SGCD: variants seen among roughly 807,000 people sequenced by gnomAD.
SGCD encodes the protein sarcoglycan delta, also known as delta-sarcoglycan.
In SGCD, 18 loss-of-function variants were observed where a neutral mutation model predicts 36.6. The observed-to-expected ratio is 0.49, with a 90% confidence interval of 0.34 to 0.73. The LOEUF is 0.73. Among genes scored for constraint, SGCD ranks in the 30% least tolerant of loss-of-function variants. The pLI is 0.01. For synonymous variants in SGCD, 133 were observed against 130.6 expected (o/e 1.02, Z -0.12); for missense variants, 387 against 346.7 (o/e 1.12, Z -0.92).
intron 3 of SGCD, among the ~76,000 whole-genome samples, chr5:156,290,714 A>G (rs1404702626): frequency 6.6e-6 from 1 of 152,208 alleles, no homozygotes; most frequent in Admixed American, 6.6e-5. Context: ...CTGGTTTGAT[A>G]GGTATACCTC....
At chr5:155,975,745 T>C (rs1453048258) in intron 1 of SGCD, among the ~76,000 whole-genome samples, 1 of 147,804 alleles carries the variant, frequency 6.8e-6, no homozygotes, top group Non-Finnish European at 1.5e-5. Context: ...TTCTACTGCT[T>C]CAACCTCCTG....
At chr5:156,589,623 G>A (rs547422489) in intron 5 of SGCD, among the ~76,000 whole-genome samples, 20 of 152,334 alleles carry the variant, frequency 1.3e-4, no homozygotes, top group Non-Finnish European at 2.8e-4. Context: ...CTCAGCCAAA[G>A]AAAAGCTTCT....
At chr5:156,596,658 A>G (rs1381111206) in intron 6 of SGCD, among the ~76,000 whole-genome samples, 1 of 151,828 alleles carries the variant, frequency 6.6e-6, no homozygotes, top group Admixed American at 6.6e-5. Flanking sequence ...TGTCTGGTCT[A>G]TTTCTCTCTT....
At chr5:156,622,331 C>A (rs1203049796) in intron 6 of SGCD, among the ~76,000 whole-genome samples, 2 of 151,416 alleles carry the variant, frequency 1.3e-5, no homozygotes, top group Non-Finnish European at 2.9e-5. Context: ...TACTTGAGAG[C>A]CTGAGGCAGG....
rs2113176121 is a variant in SGCD at position 156,757,449 on chromosome 5, G to T, written c.576-132G>T. 4.9e-6 allele frequency: 3 copies of T among 615,648 alleles called. No individual in the cohort carries two copies. The East Asian group carries it at 8.5e-5, about 17-fold the overall frequency. The allele number at this position is 615,648 out of a possible 1,614,324, so 38.1% of individuals were successfully genotyped here. On this transcript the variant is annotated intron_variant, in intron 7 of 8. Coordinates refer to ENST00000337851, the MANE Select transcript of SGCD (RefSeq NM_000337.6). ...TCCCTGTCATAAACTTGACCAGGTT[G>T]TAAAGCAAAACTTTAAAAAATTCTC... is the stretch of plus-strand genomic sequence containing the variant.
intron 4 of SGCD, among the ~76,000 whole-genome samples, chr5:156,528,893 T>C (rs1432678943): frequency 6.6e-6 from 1 of 152,202 alleles, no homozygotes; most frequent in Non-Finnish European, 1.5e-5. Context: ...TTCAACATCA[T>C]CTAATACTTT....
the SGCD span, among the ~76,000 whole-genome samples, chr5:155,756,552 T>C: frequency 6.6e-6 from 1 of 152,188 alleles, no homozygotes; most frequent in Non-Finnish European, 1.5e-5. Context: ...CCTAGAGTTG[T>C]TGTAGGGATT....
chr5:155,790,626 G>A, the SGCD span, among the ~76,000 whole-genome samples: 1 of 151,998 alleles, frequency 6.6e-6, no homozygotes, highest in Non-Finnish European at 1.5e-5. Context: ...GAGCAATGTG[G>A]AACTTGACTG....
chr5:156,674,316 C>T (rs1307880967), intron 7 of SGCD, among the ~76,000 whole-genome samples: 2 of 152,182 alleles, frequency 1.3e-5, no homozygotes, highest in Non-Finnish European at 2.9e-5. Flanking sequence ...AATCCCATAG[C>T]GTGAGCCATG....
At chr5:155,908,661 T>A (rs1756572415) in intron 1 of SGCD, among the ~76,000 whole-genome samples, 2 of 152,156 alleles carry the variant, frequency 1.3e-5, no homozygotes, top group Admixed American at 6.6e-5. Flanking sequence ...ATTTCTGCAC[T>A]GGCTTTTGCA....
At chr5:156,033,400 C>T (rs753772563) in intron 1 of SGCD, among the ~76,000 whole-genome samples, 4 of 152,112 alleles carry the variant, frequency 2.6e-5, no homozygotes, top group Non-Finnish European at 5.9e-5. Context: ...ACCCTCTCTC[C>T]TTTTGGCGTC....
chr5:155,967,729 T>C (rs774187142), intron 1 of SGCD, among the ~76,000 whole-genome samples: 8 of 152,128 alleles, frequency 5.3e-5, no homozygotes, highest in Non-Finnish European at 1.0e-4. Context: ...TAATGACTTC[T>C]GAGGCAGCCA....
At chr5:156,614,473 T>G (rs768582629) in intron 6 of SGCD, among the ~76,000 whole-genome samples, 2 of 152,162 alleles carry the variant, frequency 1.3e-5, no homozygotes, top group Non-Finnish European at 2.9e-5. Flanking sequence ...ATTCCTCTCC[T>G]TTTTGGCTAC....
At chr5:155,891,964 T>C (rs1756142747) in intron 1 of SGCD, among the ~76,000 whole-genome samples, 1 of 152,138 alleles carries the variant, frequency 6.6e-6, no homozygotes, top group African/African-American at 2.4e-5. Flanking sequence ...AGGAAATGGA[T>C]TTCATTATTC....
chr5:156,751,456 A>G (rs1757146817), intron 7 of SGCD, among the ~76,000 whole-genome samples: 1 of 152,234 alleles, frequency 6.6e-6, no homozygotes, highest in African/African-American at 2.4e-5. Flanking sequence ...CCAAAAGACC[A>G]TAAATTTGTC....
At chr5:156,044,100 T>C (rs1305410397) in intron 1 of SGCD, among the ~76,000 whole-genome samples, 1 of 152,148 alleles carries the variant, frequency 6.6e-6, no homozygotes, top group Non-Finnish European at 1.5e-5. Context: ...GGATGTTTGC[T>C]CTGGACTGGG....
At chr5:156,743,390 G>A (rs1756787459) in intron 7 of SGCD, among the ~76,000 whole-genome samples, 1 of 152,166 alleles carries the variant, frequency 6.6e-6, no homozygotes, top group Non-Finnish European at 1.5e-5. Context: ...GGAATTACAG[G>A]CATGAACCAC....
the SGCD span, among the ~76,000 whole-genome samples, chr5:155,761,628 CTCTCCATCATCA>C: frequency 1.4e-5 from 2 of 145,526 alleles, no homozygotes; most frequent in Non-Finnish European, 1.5e-5. Flanking sequence ...CATCATCACT[CTCTCCATCATCA>C]TCTCCATCAT....
chr5:155,835,189 G>A, the SGCD span, among the ~76,000 whole-genome samples: 16 of 151,600 alleles, frequency 1.1e-4, no homozygotes, highest in South Asian at 2.9e-3. Flanking sequence ...TGTATTTTTA[G>A]TAGAGACAGG....
Sources: allele counts gnomAD v4.1 joint callset (sites outside exome capture counted in the v4.1 genomes callset), GRCh38; gene constraint gnomAD v4.1.1; transcripts MANE v1.5; gene names NCBI Gene and HGNC (gene_info 2026-07-23, HGNC 2026-07-21).